The following MTPAP variants were observed in gnomAD, a reference collection of about 807,000 sequenced individuals.
MTPAP encodes poly(A) RNA polymerase, mitochondrial.
A neutral mutation model predicts 48.7 loss-of-function variants in MTPAP; 23 were observed. That is an observed-to-expected ratio of 0.47 (90% CI 0.34 to 0.67). The LOEUF (loss-of-function observed/expected upper bound fraction) is 0.67, where lower values mean the gene tolerates loss of function less well. Ranked by LOEUF, MTPAP falls within the 30% of genes least tolerant of loss-of-function variation. The pLI is 0.01. For missense variants in MTPAP, 614 were observed against 694.3 expected (o/e 0.88, Z 1.30); for synonymous variants, 257 against 254.1 (o/e 1.01, Z -0.11).
Position 30,315,623 on chromosome 10 carries a change from C to G in MTPAP, c.1386+340G>C, listed in dbSNP as rs547311010. 3.3e-5 allele frequency among the ~76,000 whole-genome samples: 5 copies of G among 152,160 alleles called. No individual in the cohort carries two copies. In the East Asian group the frequency reaches 9.6e-4, roughly 29 times the overall value. On this transcript the variant is annotated intron_variant, in intron 8 of 8. Transcript: ENST00000263063. ...TTAAGTTTATTCCATAGACACAAAT[C>G]CAGTTTAAAAACAGCTGTATGTAAA... is the stretch of plus-strand genomic sequence containing the variant.
chr10:30,322,137 G>T (rs1275252838), intron 6 of MTPAP, among the ~76,000 whole-genome samples: 1 of 152,134 alleles, frequency 6.6e-6, no homozygotes, highest in Non-Finnish European at 1.5e-5. Context: ...TCAACTAGGG[G>T]AGAAGCTCCA....
rs1236158869 is a variant in MTPAP at position 30,349,261 on chromosome 10, G to T, written c.15C>A (p.Gly5=). The change falls in exon 1 of 9, where the codon GGC becomes GGA. Residue 5 remains glycine (G), a synonymous_variant. Transcript: ENST00000263063. MAVP[G]VGLLTRLNLC... ...GGTTCAAACGGGTCAAGAGCCCCACGCCGGGAACCGCCATTGCTAAAAAAA... is the reference window on the plus strand; with the variant it reads ...GGTTCAAACGGGTCAAGAGCCCCACTCCGGGAACCGCCATTGCTAAAAAAA... The T allele has an allele frequency of 2.0e-6, 3 of 1,486,278 alleles. No individual in the cohort carries two copies. The highest frequency in any genetic ancestry group is 2.8e-5 in the East Asian group (1 of 36,086). The allele number at this position is 1,486,278 out of a possible 1,614,324, so 92.1% of individuals were successfully genotyped here. A position where few individuals can be genotyped will look rare whatever the true frequency, so the allele number is the denominator to read the frequency against.
chr10:30,348,425 G>A (rs968131820), intron 1 of MTPAP, among the ~76,000 whole-genome samples: 1 of 152,166 alleles, frequency 6.6e-6, no homozygotes, highest in Non-Finnish European at 1.5e-5. Context: ...TCTGTAAAAT[G>A]GACACAGTGA....
rs1341017263 is a variant in MTPAP, at chr10:30,330,033, G to A, written c.781-3398C>T. Among the ~76,000 whole-genome samples the A allele has an allele frequency of 4.0e-5, 6 of 151,520 alleles. No individual in the cohort carries two copies. In the South Asian group the frequency reaches 6.2e-4, roughly 16 times the overall value. ...TCCAGAATATATTAAATTATTCACCGGGTTATCTCTGGAGGCAGTGTGACC... is the reference window on the plus strand; with the variant it reads ...TCCAGAATATATTAAATTATTCACCAGGTTATCTCTGGAGGCAGTGTGACC... On this transcript the variant is annotated intron_variant, in intron 4 of 8. Coordinates refer to ENST00000263063, the MANE Select transcript of MTPAP (RefSeq NM_018109.4).
At chr10:30,323,227 C>A (rs147604627) in intron 5 of MTPAP, among the ~76,000 whole-genome samples, 6,440 of 148,322 alleles carry the variant, frequency 0.043, 456 homozygotes, top group African/African-American at 0.15. Flanking sequence ...CTGAGGCGGG[C>A]GGATCACCTG....
chr10:30,328,412 T>C (rs1001489556), intron 4 of MTPAP, among the ~76,000 whole-genome samples: 5 of 152,236 alleles, frequency 3.3e-5, no homozygotes, highest in South Asian at 4.1e-4. Context: ...CTTGTATACG[T>C]TGGCTAACTA....
At chr10:30,342,506 A>G (rs1008537469) in intron 1 of MTPAP, among the ~76,000 whole-genome samples, 10 of 148,930 alleles carry the variant, frequency 6.7e-5, no homozygotes, top group Non-Finnish European at 1.5e-4. Flanking sequence ...GTTTTGATTT[A>G]CTATGCTTGA....
chr10:30,318,381 G>A (rs1010456935), intron 6 of MTPAP, among the ~76,000 whole-genome samples: 5 of 152,250 alleles, frequency 3.3e-5, no homozygotes, highest in African/African-American at 9.6e-5. Flanking sequence ...ATGTATGTAT[G>A]TATATATATT....
At chr10:30,315,845 C>A in intron 8 of MTPAP, 118 bp downstream of exon 8, 1 of 1,173,548 alleles carries the variant, frequency 8.5e-7, no homozygotes, top group Non-Finnish European at 1.2e-6. Flanking sequence ...CTTGTTACTA[C>A]AAATTACTAC....
At chr10:30,342,672 G>A (rs1834826254) in intron 1 of MTPAP, among the ~76,000 whole-genome samples, 1 of 151,980 alleles carries the variant, frequency 6.6e-6, no homozygotes, top group Non-Finnish European at 1.5e-5. Context: ...TGAGTGTAAT[G>A]AGACAATGAG....
rs1834783725 is a variant in MTPAP, at chr10:30,340,230, T to C, written c.551A>G (p.Glu184Gly). The C allele has an allele frequency of 6.2e-7, 1 of 1,612,250 alleles. No individual in the cohort carries two copies. The highest frequency in any genetic ancestry group is 1.1e-5 in the South Asian group (1 of 91,042). Residue 184 changes from glutamate to glycine, a missense_variant, in exon 3 of 9, where the codon GAA (glutamate) becomes GGA (glycine). Coordinates refer to ENST00000263063, the MANE Select transcript of MTPAP (RefSeq NM_018109.4). The part of the protein sequence containing the change: ...KQLFELLCYA[E>G]SIDDQLNTLL... Reference sequence around the variant, plus strand: ...GAGGTACACCTAAAAACTTACACTTTCTGCATAACAAAGTAATTCAAAAAG... The same window carrying C: ...GAGGTACACCTAAAAACTTACACTTCCTGCATAACAAAGTAATTCAAAAAG...
At chr10:30,348,702 G>C (rs1834899164) in intron 1 of MTPAP, among the ~76,000 whole-genome samples, 1 of 152,112 alleles carries the variant, frequency 6.6e-6, no homozygotes, top group Non-Finnish European at 1.5e-5. Flanking sequence ...TGATTCATCA[G>C]GCTACAATAT....
chr10:30,341,401 C>T (rs1834804995), intron 2 of MTPAP, 67 bp downstream of exon 2: 2 of 1,546,726 alleles, frequency 1.3e-6, no homozygotes, highest in East Asian at 4.7e-5. Flanking sequence ...CAGCAAAAAA[C>T]AACTAATGGA....
intron 1 of MTPAP, among the ~76,000 whole-genome samples, chr10:30,346,108 AT>A (rs1318038976): frequency 6.6e-6 from 1 of 152,028 alleles, no homozygotes; most frequent in African/African-American, 2.4e-5. Flanking sequence ...ATAAAGATGC[AT>A]GCACGTAATG....
chr10:30,322,279 A>G (rs1840734474), intron 6 of MTPAP, 112 bp downstream of exon 6: 1 of 982,424 alleles, frequency 1.0e-6, no homozygotes, highest in African/African-American at 1.6e-5. Context: ...AAAAAAGTCA[A>G]GACAAATTTT....
At chr10:30,326,702 G>T in intron 4 of MTPAP, 67 bp from the exon 5 acceptor site, 1 of 1,226,590 alleles carries the variant, frequency 8.2e-7, no homozygotes, top group Non-Finnish European at 1.2e-6. Context: ...ATAAGCTTTT[G>T]TAAAAGAATG....
chr10:30,330,152 A>G (rs1834648526), intron 4 of MTPAP, among the ~76,000 whole-genome samples: 1 of 152,184 alleles, frequency 6.6e-6, no homozygotes, highest in Non-Finnish European at 1.5e-5. Context: ...ACAAATAAAC[A>G]TGTGGCATTT....
At chr10:30,336,765 C>A in intron 4 of MTPAP, 38 bp downstream of exon 4, 1 of 1,475,562 alleles carries the variant, frequency 6.8e-7, no homozygotes, top group Non-Finnish European at 9.5e-7. Context: ...ACTTTCTTAA[C>A]TTTACATGAT....
At chr10:30,337,056 T>C (rs1233371431) in intron 3 of MTPAP, 29 bp from the exon 4 acceptor site, 1 of 1,560,562 alleles carries the variant, frequency 6.4e-7, no homozygotes, top group Non-Finnish European at 8.8e-7. Context: ...ACCAACAAAA[T>C]AGAGAAAAAG....
Sources: gnomAD v4.1 joint callset for allele counts (sites outside exome capture counted in the v4.1 genomes callset) on GRCh38, gnomAD v4.1.1 for gene constraint, MANE v1.5 for transcripts, NCBI Gene and HGNC (gene_info 2026-07-23, HGNC 2026-07-21) for gene names.